MTUS2: variants seen among roughly 807,000 people sequenced by gnomAD.
MTUS2 encodes microtubule associated scaffold protein 2.
In MTUS2, 40 loss-of-function variants were observed where a neutral mutation model predicts 114.1. The ratio of observed to expected loss-of-function variants is 0.35; its 90% CI spans 0.27 to 0.46. The LOEUF (loss-of-function observed/expected upper bound fraction) is 0.46. Among genes scored for constraint, MTUS2 ranks in the 20% least tolerant of loss-of-function variants. The pLI, the probability that MTUS2 is intolerant of heterozygous loss-of-function variation, is 1.00. For synonymous variants in MTUS2, 688 were observed against 672.0 expected (o/e 1.02, Z -0.37); for missense variants, 1,679 against 1,705.4 (o/e 0.98, Z 0.27).
chr13:29,257,230 T>A (rs143140584), intron 5 of MTUS2, among the ~76,000 whole-genome samples: 33 of 152,296 alleles, frequency 2.2e-4, no homozygotes, highest in Non-Finnish European at 4.1e-4. Context: ...TGTCAGTCCT[T>A]TATTGAAAAC....
At chr13:29,324,501 C>A in intron 6 of MTUS2, 112 bp from the exon 7 acceptor site, 1 of 709,250 alleles carries the variant, frequency 1.4e-6, no homozygotes, top group Non-Finnish European at 2.4e-6. Context: ...CCAAATATTT[C>A]TTTTGTTGAT....
intron 5 of MTUS2, among the ~76,000 whole-genome samples, chr13:29,199,972 T>C (rs1036940348): frequency 3.3e-5 from 5 of 152,180 alleles, no homozygotes; most frequent in South Asian, 2.1e-4. Flanking sequence ...CTTTTGAGTT[T>C]ATTTGTGTAG....
chr13:28,999,772 T>G (rs1885299242), intron 2 of MTUS2, among the ~76,000 whole-genome samples: 1 of 152,194 alleles, frequency 6.6e-6, no homozygotes, highest in Non-Finnish European at 1.5e-5. Flanking sequence ...CTCATCCTCT[T>G]CTGCCCCATC....
chr13:28,906,279 T>TA (rs1235088253), intron 2 of MTUS2, among the ~76,000 whole-genome samples: 1 of 151,390 alleles, frequency 6.6e-6, no homozygotes, highest in Non-Finnish European at 1.5e-5. Flanking sequence ...ATTTTAGTTA[T>TA]TTCTTGCCTT....
intron 1 of MTUS2, among the ~76,000 whole-genome samples, chr13:28,821,938 C>T (rs1045102787): frequency 2.6e-5 from 4 of 152,126 alleles, no homozygotes; most frequent in Non-Finnish European, 5.9e-5. Flanking sequence ...TTATTAGGGA[C>T]CCATAATTCC....
chr13:28,989,852 GTTTTTTTTTTT>G (rs67968989), intron 2 of MTUS2, among the ~76,000 whole-genome samples: 5 of 143,740 alleles, frequency 3.5e-5, no homozygotes, highest in South Asian at 2.2e-4. Context: ...GTTTTGTTTT[GTTTTTTTTTTT>G]TTTTGCAGAA....
At chr13:29,429,427 T>A (rs575710022) in intron 8 of MTUS2, among the ~76,000 whole-genome samples, 3 of 152,166 alleles carry the variant, frequency 2.0e-5, no homozygotes, top group Non-Finnish European at 4.4e-5. Flanking sequence ...CACAGAGAGA[T>A]GAATAAACAT....
At position 29,389,365 on chromosome 13, in the gene MTUS2, ACG is replaced by A. The variant is rs1411814640; in HGVS notation, c.3117+29893_3117+29894del. 1.5e-3 allele frequency among the ~76,000 whole-genome samples: 106 copies of A among 72,320 alleles called. 14 individuals are homozygous for A. The highest frequency in any genetic ancestry group is 2.4e-3 in the Non-Finnish European group (79 of 32,632). The allele number at this position is 72,320 out of a possible 152,430, so 47.4% of individuals were successfully genotyped here. A position where few individuals can be genotyped will look rare whatever the true frequency, so the allele number is the denominator to read the frequency against. ...TGCACGTGTGTGTATATATGTATGCACGTGTGTGTATATATGTATACACGTGT... is the reference window on the plus strand; with the variant it reads ...TGCACGTGTGTGTATATATGTATGCATGTGTGTATATATGTATACACGTGT... On this transcript the variant is annotated intron_variant, in intron 8 of 15. Transcript: ENST00000612955.
intron 5 of MTUS2, among the ~76,000 whole-genome samples, chr13:29,236,177 G>C (rs1485468419): frequency 6.6e-6 from 1 of 152,010 alleles, no homozygotes; most frequent in East Asian, 1.9e-4. Context: ...CTTTTGGCTT[G>C]TCAGGGTCAT....
At chr13:29,292,569 C>T (rs939576390) in intron 6 of MTUS2, among the ~76,000 whole-genome samples, 1 of 151,960 alleles carries the variant, frequency 6.6e-6, no homozygotes, top group Admixed American at 6.6e-5. Flanking sequence ...TATCTGGACT[C>T]CAGTTAATTC....
intron 5 of MTUS2, among the ~76,000 whole-genome samples, chr13:29,279,695 C>G (rs1452517391): frequency 6.6e-6 from 1 of 152,036 alleles, no homozygotes; most frequent in African/African-American, 2.4e-5. Context: ...TAATTCAAGC[C>G]CTCCCTCAGA....
intron 2 of MTUS2, among the ~76,000 whole-genome samples, chr13:28,850,972 ATC>A (rs2138027973): frequency 6.6e-6 from 1 of 152,282 alleles, no homozygotes. Context: ...AGCTGAGTGT[ATC>A]TCTCGTTTGC....
At chr13:29,334,294 A>T (rs1273835019) in intron 7 of MTUS2, among the ~76,000 whole-genome samples, 1 of 152,084 alleles carries the variant, frequency 6.6e-6, no homozygotes, top group Non-Finnish European at 1.5e-5. Context: ...CAGTTTCTTC[A>T]TGGTGTCAAT....
rs9550450 is a variant in MTUS2 at position 29,212,349 on chromosome 13, A to G, written c.2645-69355A>G. Among the ~76,000 whole-genome samples the G allele has an allele frequency of 7.3e-3, 1,098 of 150,294 alleles. 21 individuals carry two copies. The highest frequency in any genetic ancestry group is 0.068 in the East Asian group (344 of 5,082). On this transcript the variant is annotated intron_variant, in intron 5 of 15. Coordinates refer to ENST00000612955, the MANE Select transcript of MTUS2 (RefSeq NM_001033602.4). ...AAAAAACCCTATTCCTCTCCTCACA[A>G]CACCTCTGACACCACATGTGTGGGG...
chr13:29,376,416 T>C (rs950999564), intron 8 of MTUS2, among the ~76,000 whole-genome samples: 1 of 152,010 alleles, frequency 6.6e-6, no homozygotes, highest in Non-Finnish European at 1.5e-5. Context: ...ATTTGAGATG[T>C]AGTCAAAAAT....
chr13:29,415,802 T>C (rs1274021800), intron 8 of MTUS2, among the ~76,000 whole-genome samples: 2 of 152,176 alleles, frequency 1.3e-5, no homozygotes, highest in Non-Finnish European at 2.9e-5. Flanking sequence ...TCTTCAATTA[T>C]GAAAAATGAA....
rs569075983 is a variant in MTUS2 at position 29,428,646 on chromosome 13, C to A, written c.3118-11337C>A. 6 of 1,008,760 alleles carry A rather than the reference C, an allele frequency of 5.9e-6. No homozygotes were observed. The African/African-American group carries it at 8.7e-5, about 15-fold the overall frequency. 62.5% of individuals were successfully genotyped at this position (1,008,760 alleles called of 1,614,324 possible). A position where few individuals can be genotyped will look rare whatever the true frequency, so the allele number is the denominator to read the frequency against. Reference sequence around the variant, plus strand: ...GCAGCAAGATCTGATCGCTGCTGCCCTGCTCTCCTCCTCCTCTCATTCCTC... The same window carrying A: ...GCAGCAAGATCTGATCGCTGCTGCCATGCTCTCCTCCTCCTCTCATTCCTC... On this transcript the variant is annotated intron_variant, in intron 8 of 15. Coordinates refer to ENST00000612955, the MANE Select transcript of MTUS2 (RefSeq NM_001033602.4).
intron 2 of MTUS2, among the ~76,000 whole-genome samples, chr13:28,991,527 C>A (rs929112955): frequency 3.9e-5 from 6 of 152,100 alleles, no homozygotes; most frequent in African/African-American, 7.2e-5. Context: ...CACCACCACG[C>A]CTAGCTAATT....
At chr13:28,849,932 C>G (rs560590569) in intron 2 of MTUS2, among the ~76,000 whole-genome samples, 1 of 152,188 alleles carries the variant, frequency 6.6e-6, no homozygotes, top group South Asian at 2.1e-4. Flanking sequence ...CCTCTCTTAC[C>G]CCCTCCAAAT....
Sources: allele counts gnomAD v4.1 joint callset (sites outside exome capture counted in the v4.1 genomes callset), GRCh38; gene constraint gnomAD v4.1.1; transcripts MANE v1.5; gene names NCBI Gene and HGNC (gene_info 2026-07-23, HGNC 2026-07-21).